The following NUP93 variants were observed in gnomAD, a reference collection of about 807,000 sequenced individuals.
NUP93 encodes nuclear pore complex protein Nup93.
In NUP93, 55 loss-of-function variants were observed where a neutral mutation model predicts 107.8. The ratio of observed to expected loss-of-function variants is 0.51; its 90% confidence interval spans 0.41 to 0.64. The LOEUF is 0.64. Ranked by LOEUF, NUP93 falls within the 30% of genes least tolerant of loss-of-function variation. The probability of loss-of-function intolerance (pLI) is 0.00; values close to 1 mark genes in which losing one functional copy is unlikely to be tolerated. For synonymous variants in NUP93, 390 were observed against 397.5 expected (o/e 0.98, Z 0.22); for missense variants, 937 against 1,044.7 (o/e 0.90, Z 1.42).
intron 3 of NUP93, among the ~76,000 whole-genome samples, chr16:56,761,265 A>G (rs1439108640): frequency 1.3e-5 from 2 of 152,222 alleles, no homozygotes; most frequent in East Asian, 1.9e-4. Context: ...CCTGTGCTTA[A>G]TAAACTTCCT....
intron 5 of NUP93, among the ~76,000 whole-genome samples, chr16:56,808,192 ATAACTATATAAAATATATAGTTATG>A (rs1963200566): frequency 9.4e-5 from 11 of 117,622 alleles, no homozygotes; most frequent in Non-Finnish European, 1.4e-4. Flanking sequence ...ATATAGTTAT[ATAACTATATAAAATATATAGTTATG>A]TAACTATATA....
intron 5 of NUP93, among the ~76,000 whole-genome samples, chr16:56,816,124 C>T (rs1432192555): frequency 3.3e-5 from 5 of 152,130 alleles, no homozygotes; most frequent in Non-Finnish European, 7.4e-5. Context: ...AATTGCTTCG[C>T]GTCTCTGTGT....
intron 3 of NUP93, among the ~76,000 whole-genome samples, chr16:56,780,692 A>G (rs1384423288): frequency 6.6e-6 from 1 of 152,220 alleles, no homozygotes; most frequent in Non-Finnish European, 1.5e-5. Flanking sequence ...TCTGTATGCT[A>G]AATAGCCAAG....
chr16:56,815,882 T>TGCTG (rs1308570308), intron 5 of NUP93, among the ~76,000 whole-genome samples: 1 of 137,056 alleles, frequency 7.3e-6, no homozygotes, highest in Non-Finnish European at 1.7e-5. Context: ...CTGCTGCTGC[T>TGCTG]GCTGCTGCTG....
At chr16:56,741,046 C>G (rs1310684180) in intron 1 of NUP93, among the ~76,000 whole-genome samples, 1 of 137,818 alleles carries the variant, frequency 7.3e-6, no homozygotes, top group African/African-American at 2.8e-5. Context: ...CGCTAAATTT[C>G]TTTTGAATCA....
rs577014707 is a variant in NUP93, at chr16:56,746,980, A to G, written c.-14-1254A>G. ...TTTTTTAATGAAAGATTTTCTTCTTAACCTTTTAGCAATGTAATTTTTTTT... is the reference window on the plus strand; with the variant it reads ...TTTTTTAATGAAAGATTTTCTTCTTGACCTTTTAGCAATGTAATTTTTTTT... On this transcript the variant is annotated intron_variant, in intron 1 of 21. Transcript: ENST00000308159. Among the ~76,000 whole-genome samples, 11 of 152,274 alleles carry G rather than the reference A, an allele frequency of 7.2e-5. No homozygotes were observed. In the East Asian group the frequency reaches 2.1e-3, roughly 29 times the overall value.
chr16:56,844,128 ACAGAAAC>A (rs1964077403), intron 21 of NUP93, among the ~76,000 whole-genome samples: 1 of 152,196 alleles, frequency 6.6e-6, no homozygotes, highest in African/African-American at 2.4e-5. Context: ...AAGCAGATGG[ACAGAAAC>A]CAGCCAGAGA....
At chr16:56,771,606 G>A (rs1230485830) in intron 3 of NUP93, among the ~76,000 whole-genome samples, 4 of 152,196 alleles carry the variant, frequency 2.6e-5, no homozygotes, top group Non-Finnish European at 5.9e-5. Flanking sequence ...AGACTTGCTG[G>A]TTAACTAAAT....
intron 1 of NUP93, among the ~76,000 whole-genome samples, chr16:56,744,229 A>G (rs1348385973): frequency 3.9e-5 from 6 of 152,146 alleles, no homozygotes; most frequent in Admixed American, 3.9e-4. Flanking sequence ...TTTCCCCCAT[A>G]GATCATTTTA....
intron 3 of NUP93, among the ~76,000 whole-genome samples, chr16:56,797,773 T>C (rs1264738306): frequency 6.6e-6 from 1 of 152,206 alleles, no homozygotes; most frequent in Non-Finnish European, 1.5e-5. Context: ...GCGACCTGGC[T>C]AAAGTCCTGC....
At chr16:56,822,541 C>T (rs960450655) in intron 7 of NUP93, among the ~76,000 whole-genome samples, 1 of 135,664 alleles carries the variant, frequency 7.4e-6, no homozygotes, top group African/African-American at 2.7e-5. Flanking sequence ...GTAACTTTTT[C>T]TTTTCTTTCT....
At chr16:56,840,724 G>C (rs1393068472) in intron 20 of NUP93, among the ~76,000 whole-genome samples, 2 of 152,172 alleles carry the variant, frequency 1.3e-5, no homozygotes, top group African/African-American at 4.8e-5. Context: ...AGCCAGGTGC[G>C]GTGGCTCACA....
Position 56,805,216 on chromosome 16 carries a change from C to T in NUP93, c.361-288C>T, listed in dbSNP as rs1301838642. On this transcript the variant is annotated intron_variant, in intron 4 of 21. Coordinates refer to ENST00000308159, the MANE Select transcript of NUP93 (RefSeq NM_014669.5). ...GGGACTACAGGTGTACACCACCGTG[C>T]CCAGCTAACTTTTTGTAGAGAGGGT... Among the ~76,000 whole-genome samples the T allele has an allele frequency of 4.6e-5, 7 of 152,106 alleles. No individual in the cohort carries two copies. The East Asian group carries it at 1.4e-3, about 29-fold the overall frequency.
At chr16:56,755,023 A>G (rs540406933) in intron 2 of NUP93, among the ~76,000 whole-genome samples, 1 of 152,242 alleles carries the variant, frequency 6.6e-6, no homozygotes, top group African/African-American at 2.4e-5. Flanking sequence ...TGGAATCTTT[A>G]TACCTTGCTG....
At chr16:56,834,331 TG>T in intron 14 of NUP93, 38 bp from the exon 15 acceptor site, 1 of 1,614,052 alleles carries the variant, frequency 6.2e-7, no homozygotes, top group Non-Finnish European at 8.5e-7. Flanking sequence ...AGAGACCTCA[TG>T]TCCAGACTGG....
chr16:56,844,601 A>G lies in NUP93; in HGVS notation c.2452A>G (p.Met818Val), dbSNP rs780882438. The change falls in exon 22 of 22, where the codon ATG becomes GTG. Residue 818 changes from methionine (M) to valine (V), a missense_variant. Transcript: ENST00000308159. ...GAGGCTGGTGCAGATGGAGGTCCTC[A>G]TGAATTAAGTGCCATGCTTTGTGGG... Reference protein sequence around the residue: ...NARLVQMEVLMN With the variant: ...NARLVQMEVLVN The G allele has an allele frequency of 1.3e-6, 2 of 1,591,180 alleles. No individual in the cohort carries two copies. The highest frequency in any genetic ancestry group is 1.7e-6 in the Non-Finnish European group (2 of 1,168,758).
In NUP93 at chr16:56,832,369, G is replaced by A; in HGVS notation, c.1326G>A (p.Lys442=). The stretch of plus-strand genomic sequence containing the variant: ...GGCTCACTCTCTCACAGTTCCAGAA[G>A]CAGTTGTTGGAAGACTATGGTAAGA... The part of the protein sequence containing the change: ...QDRLTLSQFQ[K]QLLEDYGESH... Residue 442 remains lysine (K), a synonymous_variant, in exon 12 of 22, where the codon AAG becomes AAA. Transcript: ENST00000308159. The A allele has an allele frequency of 6.2e-7, 1 of 1,613,874 alleles. No individual in the cohort carries two copies. Among genetic ancestry groups the A allele is most frequent in the Non-Finnish European group, 8.5e-7 (1 of 1,179,758 alleles).
intron 8 of NUP93, among the ~76,000 whole-genome samples, chr16:56,827,615 G>GC (rs1209837707): frequency 1.3e-5 from 2 of 152,174 alleles, no homozygotes; most frequent in Admixed American, 6.5e-5. Flanking sequence ...GCCAGCATTA[G>GC]CTATGTAGGG....
intron 8 of NUP93, among the ~76,000 whole-genome samples, chr16:56,826,846 G>C (rs1019562607): frequency 2.6e-5 from 4 of 151,698 alleles, no homozygotes; most frequent in African/African-American, 9.7e-5. Flanking sequence ...AAGAGATTGA[G>C]ACCATCCTGG....
Sources: gnomAD v4.1 joint callset for allele counts (sites outside exome capture counted in the v4.1 genomes callset) on GRCh38, gnomAD v4.1.1 for gene constraint, MANE v1.5 for transcripts, NCBI Gene and HGNC (gene_info 2026-07-23, HGNC 2026-07-21) for gene names.